The following MACROD2 variants were observed in gnomAD, a reference collection of about 807,000 sequenced individuals.
MACROD2 encodes mono-ADP ribosylhydrolase 2.
In MACROD2, 36 loss-of-function variants were observed where a neutral mutation model predicts 70.4. That is an observed-to-expected ratio of 0.51 (90% confidence interval 0.39 to 0.68). The LOEUF (loss-of-function observed/expected upper bound fraction) is 0.68, where lower values mean the gene tolerates loss of function less well. Among genes scored for constraint, MACROD2 ranks in the 30% least tolerant of loss-of-function variants. MACROD2 has a pLI of 0.00. For missense variants in MACROD2, 496 were observed against 538.4 expected, an observed-to-expected ratio of 0.92 and a Z score of 0.78; for synonymous variants, 172 against 178.8, an observed-to-expected ratio of 0.96 and a Z score of 0.30.
chr20:15,865,861 A>T (rs2064485689), intron 9 of MACROD2, among the ~76,000 whole-genome samples: 1 of 152,050 alleles, frequency 6.6e-6, no homozygotes, highest in Admixed American at 6.6e-5. Flanking sequence ...TGTATGCACC[A>T]CCCCTTAGGC....
intron 10 of MACROD2, among the ~76,000 whole-genome samples, chr20:15,911,107 A>G (rs749336504): frequency 4.6e-5 from 7 of 152,204 alleles, no homozygotes; most frequent in Non-Finnish European, 8.8e-5. Context: ...ACTCTGATCT[A>G]GCATCTGCCC....
chr20:16,009,611 G>A (rs965128089), intron 15 of MACROD2, among the ~76,000 whole-genome samples: 5 of 152,100 alleles, frequency 3.3e-5, no homozygotes, highest in African/African-American at 4.8e-5. Context: ...ACAAAAATTA[G>A]CCAAGCATGG....
In MACROD2 at chr20:15,854,252, G is replaced by A. The variant is rs202038796; in HGVS notation, c.646-8493G>A. Among the ~76,000 whole-genome samples, 8 of 152,110 alleles carry A rather than the reference G, an allele frequency of 5.3e-5. No homozygotes were observed. In the South Asian group the frequency reaches 1.0e-3, roughly 20 times the overall value. ...AAGGAACGTAGAGGTGGGAGGTAGA[G>A]AAAGTGATAGAGGCACACTCTTGCT... On this transcript the variant is annotated intron_variant, in intron 8 of 17. Transcript: ENST00000684519.
intron 8 of MACROD2, among the ~76,000 whole-genome samples, chr20:15,762,132 T>C (rs561488321): frequency 3.5e-4 from 53 of 152,268 alleles, no homozygotes; most frequent in African/African-American, 1.3e-3. Flanking sequence ...TGAATAATAA[T>C]AATAATGGAA....
At chr20:15,270,693 A>T (rs1480793774) in intron 6 of MACROD2, among the ~76,000 whole-genome samples, 1 of 152,186 alleles carries the variant, frequency 6.6e-6, no homozygotes, top group Non-Finnish European at 1.5e-5. Flanking sequence ...TGCCTCTGTC[A>T]TCAGTTCTGT....
chr20:14,391,719 C>A (rs1403581064), intron 3 of MACROD2, among the ~76,000 whole-genome samples: 2 of 150,176 alleles, frequency 1.3e-5, no homozygotes, highest in African/African-American at 4.9e-5. Flanking sequence ...TAACCCAGAA[C>A]AGAAAACCAA....
rs745722334 is a variant in MACROD2 at position 14,016,805 on chromosome 20, A to C, written c.163+14401A>C. Among the ~76,000 whole-genome samples, 4 of 152,140 alleles carry C rather than the reference A, an allele frequency of 2.6e-5. No individual in the cohort carries two copies. The East Asian group carries it at 5.8e-4, about 22-fold the overall frequency. ...GAAATCAGGAAGTGTGAGTCTTCCA[A>C]CTTTTTCTTTTTGAAGATTGCATAG... On this transcript the variant is annotated intron_variant, in intron 2 of 17. Coordinates refer to ENST00000684519, the MANE Select transcript of MACROD2 (RefSeq NM_001351661.2).
chr20:14,874,678 T>G (rs553596542), intron 5 of MACROD2, among the ~76,000 whole-genome samples: 2 of 88,474 alleles, frequency 2.3e-5, no homozygotes, highest in African/African-American at 8.3e-5. Context: ...GTTGTATTTA[T>G]TTATTTATTT....
rs548611357 is a variant in MACROD2 at position 14,011,551 on chromosome 20, G to A, written c.163+9147G>A. 1.8e-4 allele frequency among the ~76,000 whole-genome samples: 27 copies of A among 150,266 alleles called. No individual in the cohort carries two copies. In the East Asian group the frequency reaches 2.7e-3, roughly 15 times the overall value. Reference sequence around the variant, plus strand: ...TTCGATTTTTTTTTTTTTGTAAGACGGAGTCTTGCTTCTGTCACCCAGGCT... The same window carrying A: ...TTCGATTTTTTTTTTTTTGTAAGACAGAGTCTTGCTTCTGTCACCCAGGCT... On this transcript the variant is annotated intron_variant, in intron 2 of 17. Coordinates refer to ENST00000684519, the MANE Select transcript of MACROD2 (RefSeq NM_001351661.2).
rs77673336 is a variant in MACROD2, at chr20:15,415,101, C to T, written c.541-16304C>T. Among the ~76,000 whole-genome samples the T allele has an allele frequency of 1.5e-4, 23 of 152,218 alleles. No individual in the cohort carries two copies. The East Asian group carries it at 3.9e-3, about 26-fold the overall frequency. Reference sequence around the variant, plus strand: ...AAGTTAGAACAAATAACTACAGGGCCAGTTGCAATTCTGAGTTAGATATGT... The same window carrying T: ...AAGTTAGAACAAATAACTACAGGGCTAGTTGCAATTCTGAGTTAGATATGT... On this transcript the variant is annotated intron_variant, in intron 6 of 17. Coordinates refer to ENST00000684519, the MANE Select transcript of MACROD2 (RefSeq NM_001351661.2).
intron 5 of MACROD2, among the ~76,000 whole-genome samples, chr20:14,865,884 G>A (rs1218993052): frequency 1.3e-5 from 2 of 152,066 alleles, no homozygotes; most frequent in Non-Finnish European, 2.9e-5. Flanking sequence ...GTGATTTGTA[G>A]CAAGTTCTCA....
intron 4 of MACROD2, among the ~76,000 whole-genome samples, chr20:14,635,074 G>C (rs866829353): frequency 3.3e-5 from 5 of 152,302 alleles, no homozygotes; most frequent in African/African-American, 7.2e-5. Context: ...TGTGGCCTGT[G>C]TCTTCAAGGA....
chr20:14,808,125 A>G (rs981381465), intron 5 of MACROD2, among the ~76,000 whole-genome samples: 1 of 151,396 alleles, frequency 6.6e-6, no homozygotes, highest in Non-Finnish European at 1.5e-5. Flanking sequence ...GAAGAGTAAC[A>G]TAATTGTCAG....
At chr20:14,643,386 T>A (rs1985199311) in intron 4 of MACROD2, among the ~76,000 whole-genome samples, 1 of 152,214 alleles carries the variant, frequency 6.6e-6, no homozygotes, top group South Asian at 2.1e-4. Context: ...CTATCCACAA[T>A]TCAAAGCTCA....
chr20:15,993,805 T>C (rs142162885), intron 15 of MACROD2, among the ~76,000 whole-genome samples: 41 of 152,328 alleles, frequency 2.7e-4, no homozygotes, highest in Admixed American at 7.2e-4. Flanking sequence ...AAAATTCGTT[T>C]TCACTGATAT....
chr20:14,353,134 G>A (rs1476738173), intron 3 of MACROD2, among the ~76,000 whole-genome samples: 2 of 152,182 alleles, frequency 1.3e-5, no homozygotes, highest in Admixed American at 6.5e-5. Context: ...TCCAAATAGG[G>A]GGTCTAGGGT....
chr20:14,314,802 T>G (rs1485790976), intron 3 of MACROD2, among the ~76,000 whole-genome samples: 1 of 149,974 alleles, frequency 6.7e-6, no homozygotes, highest in Non-Finnish European at 1.5e-5. Context: ...ATAAAATTTT[T>G]TAGGCACTTT....
At chr20:15,968,836 T>G (rs201322851) in intron 13 of MACROD2, among the ~76,000 whole-genome samples, 1 of 101,138 alleles carries the variant, frequency 9.9e-6, no homozygotes, top group Non-Finnish European at 2.1e-5. Flanking sequence ...TATATATATA[T>G]ATACACACAT....
intron 3 of MACROD2, among the ~76,000 whole-genome samples, chr20:14,343,687 T>C (rs1469425700): frequency 6.6e-6 from 1 of 152,232 alleles, no homozygotes; most frequent in Admixed American, 6.5e-5. Flanking sequence ...TAACCCTGGT[T>C]CTGAGACTTA....
Sources: gnomAD v4.1 joint callset for allele counts (sites outside exome capture counted in the v4.1 genomes callset) on GRCh38, gnomAD v4.1.1 for gene constraint, MANE v1.5 for transcripts, NCBI Gene and HGNC (gene_info 2026-07-23, HGNC 2026-07-21) for gene names.